Variants in UBR1 observed in about 807,000 individuals in gnomAD.
UBR1 encodes ubiquitin protein ligase E3 component n-recognin 1, also known as E3 ubiquitin-protein ligase UBR1.
A neutral mutation model predicts 242.1 loss-of-function variants in UBR1; 102 were observed. That is an observed-to-expected ratio of 0.42 (90% CI 0.36 to 0.50). The LOEUF is 0.50. Among genes scored for constraint, UBR1 ranks in the 20% least tolerant of loss-of-function variants. UBR1 has a pLI of 0.01. For synonymous variants in UBR1, 675 were observed against 684.8 expected (o/e 0.99, Z 0.22); for missense variants, 1,772 against 2,101.8 (o/e 0.84, Z 3.07).
At chr15:42,982,776 G>C (rs2032396829) in intron 37 of UBR1, among the ~76,000 whole-genome samples, 1 of 152,156 alleles carries the variant, frequency 6.6e-6, no homozygotes, top group Admixed American at 6.5e-5. Flanking sequence ...AGAAAATTAT[G>C]CCTGGATTTA....
At chr15:43,094,443 A>G (rs1166873853) in intron 1 of UBR1, among the ~76,000 whole-genome samples, 2 of 150,698 alleles carry the variant, frequency 1.3e-5, no homozygotes, top group East Asian at 1.9e-4. Context: ...AAAAAAGCAA[A>G]CAAACAAACA....
intron 37 of UBR1, among the ~76,000 whole-genome samples, chr15:42,980,412 C>G (rs2032357353): frequency 6.6e-6 from 1 of 152,140 alleles, no homozygotes; most frequent in African/African-American, 2.4e-5. Context: ...AATATTAGTT[C>G]TACTTCTTAT....
In UBR1 at chr15:43,037,416, T is replaced by C. The variant is rs1045104724; in HGVS notation, c.2022+357A>G. ...GCACTGCTGCATATTTACTCCAAAA[T>C]AGAAGAAAAAATTACAAGGTGGCCT... On this transcript the variant is annotated intron_variant, in intron 17 of 46. Coordinates refer to ENST00000290650, the MANE Select transcript of UBR1 (RefSeq NM_174916.3). Among the ~76,000 whole-genome samples the C allele has an allele frequency of 1.7e-4, 25 of 145,698 alleles. 2 individuals carry two copies. Among genetic ancestry groups the C allele is most frequent in the African/African-American group, 2.5e-5 (1 of 39,642 alleles).
intron 37 of UBR1, among the ~76,000 whole-genome samples, chr15:42,981,711 C>T (rs754952032): frequency 1.8e-4 from 27 of 152,196 alleles, no homozygotes; most frequent in South Asian, 4.2e-4. Context: ...AGGATGGTCT[C>T]GACCTCCTGA....
chr15:42,989,239 C>T (rs1309207261), intron 34 of UBR1, among the ~76,000 whole-genome samples: 1 of 152,206 alleles, frequency 6.6e-6, no homozygotes, highest in Non-Finnish European at 1.5e-5. Flanking sequence ...GCAGCAAATG[C>T]TCACAGCTAG....
chr15:43,072,938 G>C (rs144223113), intron 4 of UBR1, among the ~76,000 whole-genome samples: 3 of 152,240 alleles, frequency 2.0e-5, no homozygotes, highest in Non-Finnish European at 4.4e-5. Flanking sequence ...CGAGGCAGAT[G>C]AATCACTTGA....
intron 16 of UBR1, 66 bp downstream of exon 16, chr15:43,038,105 G>C: frequency 1.3e-6 from 2 of 1,553,956 alleles, no homozygotes; most frequent in Non-Finnish European, 1.8e-6. Flanking sequence ...TCTCCTTCTC[G>C]TCCATCAACC....
At chr15:42,975,687 GGTT>G (rs1242721253) in intron 39 of UBR1, among the ~76,000 whole-genome samples, 2 of 151,670 alleles carry the variant, frequency 1.3e-5, no homozygotes, top group African/African-American at 4.8e-5. Context: ...TTTTGCTTTG[GGTT>G]TTTTTTTTCT....
chr15:43,054,115 C>T (rs2141332464), intron 12 of UBR1, among the ~76,000 whole-genome samples: 2 of 152,168 alleles, frequency 1.3e-5, no homozygotes, highest in South Asian at 4.1e-4. Flanking sequence ...TATGGGAGGC[C>T]AAAGCAGAAG....
intron 39 of UBR1, among the ~76,000 whole-genome samples, chr15:42,975,876 G>A (rs1385272949): frequency 6.6e-6 from 1 of 151,902 alleles, no homozygotes; most frequent in Non-Finnish European, 1.5e-5. Flanking sequence ...AGCATGCCCA[G>A]CTAATTAAAA....
At chr15:43,065,006 G>C (rs955723076) in intron 6 of UBR1, among the ~76,000 whole-genome samples, 1 of 152,310 alleles carries the variant, frequency 6.6e-6, no homozygotes, top group South Asian at 2.1e-4. Flanking sequence ...TTCTGAATGA[G>C]ACAGGGTATA....
Position 43,037,863 on chromosome 15 carries a change from T to A in UBR1, c.1932A>T (p.Val644=). 1 of 1,614,008 alleles carries A rather than the reference T, an allele frequency of 6.2e-7. No homozygotes were observed. Among genetic ancestry groups the A allele is most frequent in the Non-Finnish European group, 8.5e-7 (1 of 1,179,954 alleles). The change falls in exon 17 of 47, where the codon GTA becomes GTT. Residue 644 remains valine, a synonymous_variant. Coordinates refer to ENST00000290650, the MANE Select transcript of UBR1 (RefSeq NM_174916.3). Reference sequence around the variant, plus strand: ...GACAACGTAAAGGATATTCCACTAGTACCTCTACTTGAAAGTCCTCCTGAA... The same window carrying A: ...GACAACGTAAAGGATATTCCACTAGAACCTCTACTTGAAAGTCCTCCTGAA... The part of the protein sequence containing the change: ...FVSFEDFQVE[V]LVEYPLRCLV...
rs575336143 is a variant in UBR1 at position 42,975,460 on chromosome 15, A to G, written c.4369+1257T>C. ...TTGTTTCTGTTTTTTTTGATATCCC[A>G]AGTAATATCACAATAAATAATGTCG... On this transcript the variant is annotated intron_variant, in intron 39 of 46. Transcript: ENST00000290650. Among the ~76,000 whole-genome samples, 12 of 152,162 alleles carry G rather than the reference A, an allele frequency of 7.9e-5. 1 individual carries two copies. Among genetic ancestry groups the G allele is most frequent in the African/African-American group, 2.9e-4 (12 of 41,556 alleles).
intron 1 of UBR1, among the ~76,000 whole-genome samples, chr15:43,095,089 T>G (rs1417773665): frequency 2.6e-5 from 4 of 152,224 alleles, no homozygotes; most frequent in Non-Finnish European, 5.9e-5. Context: ...TATTTCATAT[T>G]CTCTTTCTGC....
intron 41 of UBR1, 29 bp downstream of exon 41, chr15:42,966,124 C>T (rs749580353): frequency 1.9e-6 from 3 of 1,613,902 alleles, no homozygotes; most frequent in Non-Finnish European, 2.5e-6. Context: ...CTCCCATTTT[C>T]CACTCCATGA....
intron 33 of UBR1, among the ~76,000 whole-genome samples, chr15:42,995,259 A>AT (rs1024215703): frequency 6.6e-6 from 1 of 152,126 alleles, no homozygotes; most frequent in African/African-American, 2.4e-5. Context: ...GTCATTCTAC[A>AT]TTTTTTTAAA....
chr15:43,025,526 T>C, intron 23 of UBR1, 97 bp from the exon 24 acceptor site: 1 of 818,214 alleles, frequency 1.2e-6, no homozygotes, highest in Non-Finnish European at 2.0e-6. Flanking sequence ...CCTATTAAAA[T>C]ACTTTATATA....
At chr15:42,995,972 A>T (rs2032631884) in intron 33 of UBR1, among the ~76,000 whole-genome samples, 1 of 152,108 alleles carries the variant, frequency 6.6e-6, no homozygotes, top group East Asian at 1.9e-4. Context: ...CCCACTGTGT[A>T]CTCTCAACTA....
In UBR1 at chr15:43,030,010, T is replaced by G. The variant is rs2033233693; in HGVS notation, c.2313A>C (p.Glu771Asp). Residue 771 changes from glutamate to aspartate, a missense_variant, in exon 21 of 47, where the codon GAA (glutamate) becomes GAC (aspartate). Coordinates refer to ENST00000290650, the MANE Select transcript of UBR1 (RefSeq NM_174916.3). ...GTTCAATGCAAAGCAAGTGAATGAT[T>G]TCTCTCATTGTGACCTCTTCTTTGG... Reference protein sequence around the residue: ...NVTKEEVTMREIIHLLCIEPM... With the variant: ...NVTKEEVTMRDIIHLLCIEPM... 6 of 1,614,100 alleles carry G rather than the reference T, an allele frequency of 3.7e-6. No individual in the cohort carries two copies. Among genetic ancestry groups the G allele is most frequent in the Non-Finnish European group, 5.1e-6 (6 of 1,179,998 alleles).
Sources: allele counts gnomAD v4.1 joint callset (sites outside exome capture counted in the v4.1 genomes callset), GRCh38; gene constraint gnomAD v4.1.1; transcripts MANE v1.5; gene names NCBI Gene and HGNC (gene_info 2026-07-23, HGNC 2026-07-21).